BTBD19: variants seen among roughly 807,000 people sequenced by gnomAD.
The protein encoded by BTBD19 is BTB domain containing 19.
BTBD19 carries 20 observed loss-of-function variants against 36.1 expected under a neutral mutation model. That is an observed-to-expected ratio of 0.55 (90% CI 0.39 to 0.80). BTBD19 has a LOEUF of 0.80. Among genes scored for constraint, BTBD19 ranks in the 30% least tolerant of loss-of-function variants. BTBD19 has a pLI of 0.00. For missense variants in BTBD19, 325 were observed against 389.8 expected (o/e 0.83, Z 1.40); for synonymous variants, 157 against 174.3 (o/e 0.90, Z 0.78).
In BTBD19 at chr1:44,808,753, A is replaced by C; in HGVS notation, c.-68A>C. 1 of 1,192,020 alleles carries C rather than the reference A, an allele frequency of 8.4e-7. No homozygotes were observed. Among genetic ancestry groups the C allele is most frequent in the South Asian group, 1.5e-5 (1 of 64,742 alleles). 73.8% of individuals were successfully genotyped at this position (1,192,020 alleles called of 1,614,324 possible). On this transcript the variant is annotated 5_prime_UTR_variant, in exon 1 of 8. It removes the in-frame stop codon of an upstream open reading frame in the 5' UTR. Transcript: ENST00000450269. ...TGCTTCTCCCTCTCAGGCCTTGCTA[A>C]CCTCACCAGCTCTAGGGCCTGGCCA... is the stretch of plus-strand genomic sequence containing the variant.
At chr1:44,812,920 A>C in intron 4 of BTBD19, 76 bp from the exon 5 acceptor site, 1 of 1,357,230 alleles carries the variant, frequency 7.4e-7, no homozygotes. Context: ...TCAGGCTTGC[A>C]GTGGTGGGTC....
rs1652359117 is a variant in BTBD19 at position 44,810,554 on chromosome 1, G to T, written c.301G>T (p.Val101Leu). ...ACTCCCCCAACCACCCACTCTACAG[G>T]TGCTGGAAGTGCTGACAGCGGCTGT... The change falls in exon 3 of 8, where the codon GTG (valine) becomes TTG (leucine). Residue 101 changes from valine (V) to leucine (L), a missense_variant and splice_region_variant. Val to Leu is a conservative substitution (Grantham distance 32). Coordinates refer to ENST00000450269, the Ensembl canonical transcript of BTBD19. The surrounding 1 kb of genome is among the most constrained non-coding windows in gnomAD (Gnocchi z 4.2). 7 of 1,550,416 alleles carry T rather than the reference G, an allele frequency of 4.5e-6. No homozygotes were observed. Among genetic ancestry groups the T allele is most frequent in the Non-Finnish European group, 6.1e-6 (7 of 1,146,750 alleles).
At chr1:44,814,140 T>TCTTCTTTCTC (rs1444328291), downstream of BTBD19, 112 of 256,120 alleles carry the variant, frequency 4.4e-4, no homozygotes, top group East Asian at 1.5e-3. Context: ...TTTCTTTTCT[T>TCTTCTTTCTC]TTTCTTTCTC....
chr1:44,810,270 G>T lies in BTBD19; in HGVS notation c.144G>T (p.Leu48Phe), dbSNP rs185922526. The T allele has an allele frequency of 5.8e-6, 9 of 1,550,028 alleles. No homozygotes were observed. The highest frequency in any genetic ancestry group is 4.1e-5 in the African/African-American group (3 of 73,016). Residue 48 changes from leucine (L) to phenylalanine (F), a missense_variant, in exon 2 of 8, where the codon TTG becomes TTT. Coordinates refer to ENST00000450269, the Ensembl canonical transcript of BTBD19. This position sits in a 1 kb window ranked among gnomAD's most constrained non-coding sequence, Gnocchi z 4.2. ...AGGAGGTATTTGCCCATCGGTGCTT[G>T]TTGGCCTGTAGATGCAACTTCTTCC...
intron 4 of BTBD19, chr1:44,812,337 G>C (rs1652455490): frequency 8.8e-6 from 4 of 456,458 alleles, no homozygotes; most frequent in South Asian, 3.1e-5. Context: ...GGTCTTTGCT[G>C]GTCTTCTGTC....
At chr1:44,812,931 C>T (rs1652492150) in intron 4 of BTBD19, 65 bp from the exon 5 acceptor site, 1 of 1,419,308 alleles carries the variant, frequency 7.0e-7, no homozygotes, top group East Asian at 2.5e-5. Context: ...GTGGTGGGTC[C>T]CAGTGAGCAG....
At position 44,810,666 on chromosome 1, in the gene BTBD19, C is replaced by G; in HGVS notation, c.354+59C>G. 1 of 1,454,040 alleles carries G rather than the reference C, an allele frequency of 6.9e-7. No homozygotes were observed. The allele number at this position is 1,454,040 out of a possible 1,614,324, so 90.1% of individuals were successfully genotyped here. On this transcript the variant is annotated intron_variant, in intron 3 of 7. Coordinates refer to ENST00000450269, the Ensembl canonical transcript of BTBD19. The surrounding 1 kb of genome is among the most constrained non-coding windows in gnomAD (Gnocchi z 4.2). ...CCTTGCTTCTCACGGGCTCACTTCC[C>G]GCCCTGCCTCACACACACTCTGGCC...
In BTBD19 at chr1:44,810,532, C is replaced by T. The variant is rs1372793897; in HGVS notation, c.301-22C>T. The T allele has an allele frequency of 1.3e-6, 2 of 1,550,402 alleles. No individual in the cohort carries two copies. The highest frequency in any genetic ancestry group is 1.7e-6 in the Non-Finnish European group (2 of 1,146,768). ...AGGGCAGGGGAAACTCCCTTCCACT[C>T]CCCCAACCACCCACTCTACAGGTGC... is the stretch of plus-strand genomic sequence containing the variant. On this transcript the variant is annotated intron_variant, in intron 2 of 7. Transcript: ENST00000450269. This position sits in a 1 kb window ranked among gnomAD's most constrained non-coding sequence, Gnocchi z 4.2.
chr1:44,814,131 T>C, downstream of BTBD19: 1 of 289,664 alleles, frequency 3.5e-6, no homozygotes, highest in Non-Finnish European at 6.4e-6. Flanking sequence ...AGCTCCCTCT[T>C]TCTTTTCTTT....
chr1:44,813,019 G>A lies in BTBD19; in HGVS notation c.438G>A (p.Gly146=), dbSNP rs1222663757. The A allele has an allele frequency of 6.4e-7, 1 of 1,551,246 alleles. No individual in the cohort carries two copies. Among genetic ancestry groups the A allele is most frequent in the African/African-American group, 1.4e-5 (1 of 73,008 alleles). The change falls in exon 5 of 8, where the codon GGG becomes GGA. Residue 146 remains glycine (G), a synonymous_variant. Transcript: ENST00000450269. The surrounding 1 kb of genome is among the most constrained non-coding windows in gnomAD (Gnocchi z 7.8). Reference sequence around the variant, plus strand: ...AGGTGGCCGTAACCTTTGGCCTGGGGCAGCTGCAGGAGCGCTGCGTGGCTT... The same window carrying A: ...AGGTGGCCGTAACCTTTGGCCTGGGACAGCTGCAGGAGCGCTGCGTGGCTT...
At position 44,810,600 on chromosome 1, in the gene BTBD19, T is replaced by A; in HGVS notation, c.347T>A (p.Leu116Gln). The change falls in exon 3 of 8, where the codon CTG becomes CAG. Residue 116 changes from leucine to glutamine, a missense_variant. Leu to Gln is a moderately radical substitution (Grantham distance 113). Coordinates refer to ENST00000450269, the Ensembl canonical transcript of BTBD19. This position sits in a 1 kb window ranked among gnomAD's most constrained non-coding sequence, Gnocchi z 4.2. The stretch of plus-strand genomic sequence containing the variant: ...GCTGTGGAGTATGGGCTGGAGGAAC[T>A]GAGAGAGGTGGGTTTTTGTGCCAGG... 1 of 1,544,176 alleles carries A rather than the reference T, an allele frequency of 6.5e-7. No homozygotes were observed. The highest frequency in any genetic ancestry group is 8.7e-7 in the Non-Finnish European group (1 of 1,143,510).
At chr1:44,814,180 TTCTTTCTTTCTTTC>T (rs1385886136), downstream of BTBD19, 1 of 143,256 alleles carries the variant, frequency 7.0e-6, no homozygotes, top group African/African-American at 3.4e-5. Flanking sequence ...CTTTCTTTCT[TTCTTTCTTTCTTTC>T]TTTCTTTCTT....
chr1:44,812,904 C>G, intron 4 of BTBD19, 92 bp from the exon 5 acceptor site: 2 of 1,248,764 alleles, frequency 1.6e-6, no homozygotes, highest in African/African-American at 3.0e-5. Context: ...CCAGCTAGGG[C>G]TAGGGTCAGG....
At chr1:44,811,854 C>T (rs1161323310) in intron 3 of BTBD19, 185 bp from the exon 4 acceptor site, 2 of 388,180 alleles carry the variant, frequency 5.2e-6, no homozygotes, top group Non-Finnish European at 1.0e-5. Context: ...TTTTGCTAGT[C>T]TCCAGTTCCT....
At chr1:44,809,046 A>T (rs992137596) in intron 1 of BTBD19, 140 bp downstream of exon 1, 39 of 641,490 alleles carry the variant, frequency 6.1e-5, no homozygotes, top group Non-Finnish European at 9.3e-5. Flanking sequence ...GGGAGGTCAA[A>T]TGTGGAACAT....
In BTBD19 at chr1:44,813,946, C is replaced by A; in HGVS notation, c.*174C>A. The stretch of plus-strand genomic sequence containing the variant: ...CGCAGCCCCTTGTGCGGGATCAAGC[C>A]CGTGTGGGCGAGGTGGGGTCGGGCC... On this transcript the variant is annotated 3_prime_UTR_variant, in exon 8 of 8. Transcript: ENST00000450269. This position sits in a 1 kb window ranked among gnomAD's most constrained non-coding sequence, Gnocchi z 7.8. The A allele has an allele frequency of 3.6e-6, 4 of 1,115,054 alleles. No homozygotes were observed. The highest frequency in any genetic ancestry group is 5.1e-6 in the Non-Finnish European group (4 of 789,992). The allele number at this position is 1,115,054 out of a possible 1,614,324, so 69.1% of individuals were successfully genotyped here.
At chr1:44,815,402 C>G (rs988255872), downstream of BTBD19, 2 of 152,196 alleles carry the variant, frequency 1.3e-5, no homozygotes, top group African/African-American at 4.8e-5. Context: ...ATACCTTACT[C>G]AGTTACTGCA....
At chr1:44,812,345 G>C in intron 4 of BTBD19, 1 of 456,110 alleles carries the variant, frequency 2.2e-6, no homozygotes, top group Non-Finnish European at 4.4e-6. Flanking sequence ...CTGGTCTTCT[G>C]TCTGTCAGGG....
intron 1 of BTBD19, among the ~76,000 whole-genome samples, chr1:44,809,216 G>A (rs779689664): frequency 2.6e-5 from 4 of 152,124 alleles, no homozygotes; most frequent in Non-Finnish European, 4.4e-5. Context: ...AGAGATGGTG[G>A]GTCATGATTC....
Sources: gnomAD v4.1 joint callset for allele counts (sites outside exome capture counted in the v4.1 genomes callset) on GRCh38, gnomAD v4.1.1 for gene constraint, Gnocchi (gnomAD v3.1) non-coding constraint, MANE v1.5 for transcripts, NCBI Gene and HGNC (gene_info 2026-07-23, HGNC 2026-07-21) for gene names.